SPTBN1: variants seen among roughly 807,000 people sequenced by gnomAD.
The protein encoded by SPTBN1 is spectrin beta chain, non-erythrocytic 1.
Under a neutral mutation model 266.4 loss-of-function variants are expected in SPTBN1, and 32 were observed. The ratio of observed to expected loss-of-function variants is 0.12; its 90% CI spans 0.09 to 0.16. The LOEUF (loss-of-function observed/expected upper bound fraction) is 0.16, where lower values mean the gene tolerates loss of function less well. Ranked by LOEUF, SPTBN1 falls within the 10% of genes least tolerant of loss-of-function variation. The pLI is 1.00. For synonymous variants in SPTBN1, 1,336 were observed against 1,162.2 expected, an observed-to-expected ratio of 1.15 and a Z score of -3.04; for missense variants, 2,296 against 3,067.1, an observed-to-expected ratio of 0.75 and a Z score of 5.94.
Position 54,664,753 on chromosome 2 carries a change from G to A in SPTBN1, c.6659+62G>A. The A allele has an allele frequency of 6.5e-7, 1 of 1,531,980 alleles. No individual in the cohort carries two copies. The highest frequency in any genetic ancestry group is 9.0e-7 in the Non-Finnish European group (1 of 1,116,440). The allele number at this position is 1,531,980 out of a possible 1,614,324, so 94.9% of individuals were successfully genotyped here. A position where few individuals can be genotyped will look rare whatever the true frequency, so the allele number is the denominator to read the frequency against. ...GTCAGCCTGTGAAGGGATAAGGCGG[G>A]CCACTCTTGAATTGGAAGAGAAGTA... On this transcript the variant is annotated intron_variant, in intron 33 of 35. Transcript: ENST00000356805. This position sits in a 1 kb window ranked among gnomAD's most constrained non-coding sequence, Gnocchi z 5.6.
chr2:54,558,597 AG>A lies in SPTBN1; in HGVS notation c.148+32032del, dbSNP rs1247837423. The A allele has an allele frequency of 1.4e-6, 2 of 1,395,422 alleles. No homozygotes were observed. The highest frequency in any genetic ancestry group is 3.0e-5 in the African/African-American group (2 of 67,238). 86.4% of individuals were successfully genotyped at this position (1,395,422 alleles called of 1,614,324 possible). A position where few individuals can be genotyped will look rare whatever the true frequency, so the allele number is the denominator to read the frequency against. ...ATGCCTGTGTGGTAACTCCTCGCGG[AG>A]CTAAGGTGGACTCTCTTGCAGCCAA... On this transcript the variant is annotated intron_variant, in intron 2 of 35. Transcript: ENST00000356805. This position sits in a 1 kb window ranked among gnomAD's most constrained non-coding sequence, Gnocchi z 4.6.
At chr2:54,630,304 G>C (rs1025802954) in intron 15 of SPTBN1, among the ~76,000 whole-genome samples, 6 of 152,340 alleles carry the variant, frequency 3.9e-5, no homozygotes, top group African/African-American at 1.4e-4. Context: ...CCTGTGTCCA[G>C]TGTAGAAGGT....
intron 16 of SPTBN1, among the ~76,000 whole-genome samples, chr2:54,631,819 G>A (rs1020631552): frequency 1.1e-4 from 17 of 152,204 alleles, no homozygotes; most frequent in African/African-American, 4.1e-4. Context: ...CATAAGAGCT[G>A]CTTTGCCTTA....
At chr2:54,488,544 C>T (rs1668526768) in intron 1 of SPTBN1, among the ~76,000 whole-genome samples, 1 of 152,134 alleles carries the variant, frequency 6.6e-6, no homozygotes, top group Non-Finnish European at 1.5e-5. Context: ...TGTCACAGGT[C>T]CTGTGTGATC....
chr2:54,529,251 C>T (rs185021373), intron 2 of SPTBN1: 5 of 389,928 alleles, frequency 1.3e-5, no homozygotes, highest in South Asian at 2.1e-5. Context: ...GTGTTTGAGA[C>T]CACTTCATCT....
At chr2:54,467,670 C>T (rs923569328) in intron 1 of SPTBN1, among the ~76,000 whole-genome samples, 4 of 152,076 alleles carry the variant, frequency 2.6e-5, no homozygotes, top group African/African-American at 9.7e-5. Context: ...CAGGCGTGAG[C>T]CACCGCGCCT....
chr2:54,617,784 C>G, intron 6 of SPTBN1, 96 bp downstream of exon 6: 1 of 1,219,624 alleles, frequency 8.2e-7, no homozygotes, highest in South Asian at 1.3e-5. Flanking sequence ...GTTGGCTTAA[C>G]TGTCTCACCG....
intron 1 of SPTBN1, among the ~76,000 whole-genome samples, chr2:54,460,737 C>A (rs1351615811): frequency 6.6e-6 from 1 of 152,212 alleles, no homozygotes; most frequent in South Asian, 2.1e-4. Context: ...CAGTGGCTCA[C>A]GCCTGTAATC....
Position 54,646,840 on chromosome 2 carries a change from C to A in SPTBN1, c.4867-291C>A, listed in dbSNP as rs1388231501. ...TGCTGCCATTTACATACTTGAGGGA[C>A]CTTGAGGAATTCCAGCGAACCAGGC... On this transcript the variant is annotated intron_variant, in intron 23 of 35. Transcript: ENST00000356805. This position sits in a 1 kb window ranked among gnomAD's most constrained non-coding sequence, Gnocchi z 4.4. Among the ~76,000 whole-genome samples the A allele has an allele frequency of 6.6e-6, 1 of 152,160 alleles. No homozygotes were observed. The highest frequency in any genetic ancestry group is 1.5e-5 in the Non-Finnish European group (1 of 68,016).
intron 32 of SPTBN1, chr2:54,661,566 G>A: frequency 1.0e-6 from 1 of 985,730 alleles, no homozygotes; most frequent in Non-Finnish European, 1.2e-6. Flanking sequence ...CTTATGTTCT[G>A]GGGGTAGTAT....
chr2:54,474,972 G>C (rs770748579), intron 1 of SPTBN1, among the ~76,000 whole-genome samples: 9 of 152,046 alleles, frequency 5.9e-5, no homozygotes, highest in Non-Finnish European at 1.3e-4. Flanking sequence ...TCAGGAGTTC[G>C]AGACCAACCT....
chr2:54,635,362 A>T (rs1679048722), intron 17 of SPTBN1, among the ~76,000 whole-genome samples: 1 of 152,202 alleles, frequency 6.6e-6, no homozygotes, highest in Non-Finnish European at 1.5e-5. Flanking sequence ...GCAGTCCCAG[A>T]TGCCTGTGTG....
Position 54,664,596 on chromosome 2 carries a change from A to C in SPTBN1, c.6564A>C (p.Leu2188Phe), listed in dbSNP as rs1572784676. 6.2e-7 allele frequency: 1 copy of C among 1,614,144 alleles called. No individual in the cohort carries two copies. The highest frequency in any genetic ancestry group is 2.2e-5 in the East Asian group (1 of 44,870). Reference protein sequence around the residue: ...TALPAQSAATLPARTQETPSA... With the variant: ...TALPAQSAATFPARTQETPSA... Reference sequence around the variant, plus strand: ...TCCCAGCCCAGAGTGCCGCCACCTTACCAGCCAGAACCCAGGAGACACCTT... The same window carrying C: ...TCCCAGCCCAGAGTGCCGCCACCTTCCCAGCCAGAACCCAGGAGACACCTT... The change falls in exon 33 of 36, where the codon TTA (leucine) becomes TTC (phenylalanine). Residue 2188 changes from leucine to phenylalanine, a missense_variant. This residue lies in a region of SPTBN1 where 347 missense variants were observed against 368.5 expected (regional missense o/e 0.94). Transcript: ENST00000356805. The surrounding 1 kb of genome is among the most constrained non-coding windows in gnomAD (Gnocchi z 5.6).
chr2:54,476,922 C>T (rs151265455), intron 1 of SPTBN1, among the ~76,000 whole-genome samples: 143 of 152,136 alleles, frequency 9.4e-4, no homozygotes, highest in African/African-American at 3.0e-3. Flanking sequence ...CTAAACTTAC[C>T]ATTGAAAAGA....
At chr2:54,611,797 C>G (rs527773821) in intron 3 of SPTBN1, among the ~76,000 whole-genome samples, 3 of 151,966 alleles carry the variant, frequency 2.0e-5, no homozygotes, top group Non-Finnish European at 4.4e-5. Context: ...AGAAAATCCT[C>G]ACAGGTGTTT....
intron 31 of SPTBN1, 151 bp downstream of exon 31, chr2:54,659,417 T>C: frequency 4.0e-6 from 3 of 750,296 alleles, no homozygotes; most frequent in South Asian, 3.5e-5. Context: ...TGTACAGTTA[T>C]CCCTAAATAA....
intron 2 of SPTBN1, among the ~76,000 whole-genome samples, chr2:54,539,591 G>C (rs1671815766): frequency 6.6e-6 from 1 of 152,164 alleles, no homozygotes; most frequent in Non-Finnish European, 1.5e-5. Flanking sequence ...CCAGACTGGA[G>C]TGCAGTGGTG....
intron 2 of SPTBN1, among the ~76,000 whole-genome samples, chr2:54,544,186 G>C (rs13021615): frequency 0.14 from 21,898 of 152,094 alleles, 1,658 homozygotes; most frequent in Middle Eastern, 0.19. Flanking sequence ...GTTTACCCCA[G>C]CTTGCTCTAG....
At chr2:54,466,605 A>G (rs868781539) in intron 1 of SPTBN1, among the ~76,000 whole-genome samples, 2 of 22,956 alleles carry the variant, frequency 8.7e-5, no homozygotes, top group South Asian at 1.1e-3. Flanking sequence ...AAAAAAAAAA[A>G]AAGTATGTTT....
Sources: allele counts gnomAD v4.1 joint callset (sites outside exome capture counted in the v4.1 genomes callset), GRCh38; gene constraint gnomAD v4.1.1; regional missense constraint gnomAD v4.1.1; non-coding constraint Gnocchi (gnomAD v3.1); transcripts MANE v1.5; gene names NCBI Gene and HGNC (gene_info 2026-07-23, HGNC 2026-07-21).